The following PPIP5K2 variants were observed in gnomAD, a reference collection of about 807,000 sequenced individuals.
The protein encoded by PPIP5K2 is inositol hexakisphosphate and diphosphoinositol-pentakisphosphate kinase 2.
In PPIP5K2, 105 loss-of-function variants were observed where a neutral mutation model predicts 154.6. The observed-to-expected ratio is 0.68, with a 90% CI of 0.58 to 0.80. The LOEUF is 0.80. PPIP5K2 is among the 30% of genes least tolerant of loss of function. The pLI is 0.00. For missense variants in PPIP5K2, 992 were observed against 1,504.6 expected (o/e 0.66, Z 5.64); for synonymous variants, 480 against 490.3 (o/e 0.98, Z 0.28).
rs1299195897 is a variant in PPIP5K2 at position 103,209,983 on chromosome 5, G to A, written c.*8349G>A. 1 of 151,974 alleles carries A rather than the reference G, an allele frequency of 6.6e-6. No individual in the cohort carries two copies. The highest frequency in any genetic ancestry group is 1.9e-4 in the East Asian group (1 of 5,188). 9.4% of individuals were successfully genotyped at this position (151,974 alleles called of 1,614,324 possible). ...GTCATGACAATAAAATGAGACCTGG[G>A]AGTCCCAAATGTTATTAACTACCAC... On this transcript the variant is annotated 3_prime_UTR_variant, in exon 31 of 31. Transcript: ENST00000358359.
rs782292998 is a variant in PPIP5K2, at chr5:103,133,519, A to G, written c.181A>G (p.Lys61Glu). ...MAKKSKSKPM[K>E]EILERISLFK... is the part of the protein sequence containing the mutation. ...AAAGAAATCCAAATCCAAACCAATG[A>G]AGGAAATTCTTGAACGGATCTCCTT... The change falls in exon 3 of 31, where the codon AAG becomes GAG. Residue 61 changes from lysine (K) to glutamate (E), a missense_variant. Transcript: ENST00000358359. 6.2e-7 allele frequency: 1 copy of G among 1,612,340 alleles called. No individual in the cohort carries two copies. Among genetic ancestry groups the G allele is most frequent in the East Asian group, 2.2e-5 (1 of 44,736 alleles).
At chr5:103,187,141 T>C (rs1162685670) in intron 27 of PPIP5K2, among the ~76,000 whole-genome samples, 173 bp from the exon 28 acceptor site, 1 of 152,214 alleles carries the variant, frequency 6.6e-6, no homozygotes, top group Non-Finnish European at 1.5e-5. Context: ...TTTTCCTCTG[T>C]CATCAAGCTA....
chr5:103,148,149 TA>T, intron 7 of PPIP5K2, 117 bp downstream of exon 7: 2 of 766,142 alleles, frequency 2.6e-6, no homozygotes, highest in Non-Finnish European at 2.3e-6. Flanking sequence ...TCTTTTTGAT[TA>T]GGGATTCCTC....
intron 5 of PPIP5K2, among the ~76,000 whole-genome samples, chr5:103,142,810 TGTGTAAA>T (rs1793058509): frequency 6.6e-6 from 1 of 151,084 alleles, no homozygotes; most frequent in Non-Finnish European, 1.5e-5. Context: ...ATCATCTGAA[TGTGTAAA>T]ACTCACTGGT....
chr5:103,151,135 C>T (rs1794588975), intron 8 of PPIP5K2, 118 bp from the exon 9 acceptor site: 1 of 754,852 alleles, frequency 1.3e-6, no homozygotes, highest in Non-Finnish European at 2.0e-6. Flanking sequence ...AAGTAAACCA[C>T]TATATAGTAA....
chr5:103,152,934 T>A (rs1223326728), intron 10 of PPIP5K2, among the ~76,000 whole-genome samples, 185 bp downstream of exon 10: 1 of 151,838 alleles, frequency 6.6e-6, no homozygotes, highest in Non-Finnish European at 1.5e-5. Flanking sequence ...ACAAATAAAC[T>A]ACTGAAACAT....
At chr5:103,140,621 G>A (rs901945432) in intron 5 of PPIP5K2, among the ~76,000 whole-genome samples, 8 of 151,780 alleles carry the variant, frequency 5.3e-5, no homozygotes, top group Non-Finnish European at 7.4e-5. Context: ...AGGCCGAGGC[G>A]GGCGGATCAC....
intron 16 of PPIP5K2, 45 bp downstream of exon 16, chr5:103,158,618 T>C: frequency 6.8e-7 from 1 of 1,480,352 alleles, no homozygotes; most frequent in Non-Finnish European, 9.0e-7. Context: ...TTTAATCTAA[T>C]ATTGTATCTT....
rs12332086 is a variant in PPIP5K2 at position 103,202,052 on chromosome 5, T to C, written c.*418T>C. The C allele has an allele frequency of 7.6e-3, 1,189 of 155,668 alleles. 7 individuals are homozygous for C. The highest frequency in any genetic ancestry group is 0.032 in the Middle Eastern group (10 of 314). 9.6% of individuals were successfully genotyped at this position (155,668 alleles called of 1,614,324 possible). On this transcript the variant is annotated 3_prime_UTR_variant, in exon 31 of 31. Coordinates refer to ENST00000358359, the MANE Select transcript of PPIP5K2 (RefSeq NM_001276277.3). ...GAAATTTGACAGCCAGGGTTACATA[T>C]TGGGGACTTTTAAAGTGTCTTTCCA... is the stretch of plus-strand genomic sequence containing the variant.
intron 5 of PPIP5K2, among the ~76,000 whole-genome samples, chr5:103,143,670 A>G (rs548457347): frequency 6.6e-6 from 1 of 152,172 alleles, no homozygotes; most frequent in African/African-American, 2.4e-5. Context: ...ATAAGATCCA[A>G]CTCTATACTC....
chr5:103,166,930 G>A (rs998900076), intron 17 of PPIP5K2, among the ~76,000 whole-genome samples: 4 of 151,954 alleles, frequency 2.6e-5, no homozygotes, highest in Non-Finnish European at 5.9e-5. Flanking sequence ...GGTGGAAGAG[G>A]TGAAGGAGGT....
chr5:103,155,659 C>T (rs1414053790), intron 13 of PPIP5K2, among the ~76,000 whole-genome samples: 2 of 151,840 alleles, frequency 1.3e-5, no homozygotes, highest in Non-Finnish European at 2.9e-5. Context: ...CTCCTGACCT[C>T]AAGTCATCCA....
chr5:103,141,052 G>A (rs1169371261), intron 5 of PPIP5K2, among the ~76,000 whole-genome samples: 4 of 151,736 alleles, frequency 2.6e-5, no homozygotes, highest in Non-Finnish European at 5.9e-5. Flanking sequence ...AAATCATCTG[G>A]GCCGGGTGCA....
At chr5:103,197,555 T>C (rs910357447) in intron 30 of PPIP5K2, among the ~76,000 whole-genome samples, 2 of 150,836 alleles carry the variant, frequency 1.3e-5, no homozygotes, top group African/African-American at 4.9e-5. Context: ...GTTGGTTTTA[T>C]GTTTAAAACA....
intron 5 of PPIP5K2, among the ~76,000 whole-genome samples, chr5:103,144,815 G>T (rs1407503051): frequency 6.6e-6 from 1 of 152,030 alleles, no homozygotes; most frequent in African/African-American, 2.4e-5. Context: ...ACTACTAAAA[G>T]AAAACATTGT....
chr5:103,158,467 T>A lies in PPIP5K2; in HGVS notation c.1631T>A (p.Phe544Tyr). 1 of 1,605,890 alleles carries A rather than the reference T, an allele frequency of 6.2e-7. No homozygotes were observed. The highest frequency in any genetic ancestry group is 2.2e-5 in the East Asian group (1 of 44,848). Residue 544 changes from phenylalanine (F) to tyrosine (Y), a missense_variant, in exon 16 of 31, where the codon TTT becomes TAT. Transcript: ENST00000358359. ...TTATTTTCAGGAGATTATGCAGGATTTCCTGGTTGTGGTTTACTTAGATTA... is the reference window on the plus strand; with the variant it reads ...TTATTTTCAGGAGATTATGCAGGATATCCTGGTTGTGGTTTACTTAGATTA... ...YPGGQGDYAG[F>Y]PGCGLLRLHS...
In PPIP5K2 at chr5:103,151,354, T is replaced by A. The variant is rs1794620855; in HGVS notation, c.1008T>A (p.Asp336Glu). The change falls in exon 9 of 31, where the codon GAT becomes GAA. Residue 336 changes from aspartate to glutamate, a missense_variant. Asp to Glu is a conservative substitution (Grantham distance 45). Transcript: ENST00000358359. ...TGAAAAATTCCATGAAGTATTATGA[T>A]GACTGTGCAAAAATACTTGGGTAAG... ...SFVKNSMKYY[D>E]DCAKILGNIV... 6.2e-7 allele frequency: 1 copy of A among 1,607,102 alleles called. No individual in the cohort carries two copies. Among genetic ancestry groups the A allele is most frequent in the East Asian group, 2.2e-5 (1 of 44,666 alleles).
intron 5 of PPIP5K2, among the ~76,000 whole-genome samples, chr5:103,141,056 G>C (rs1188179824): frequency 6.6e-6 from 1 of 151,954 alleles, no homozygotes; most frequent in Non-Finnish European, 1.5e-5. Context: ...CATCTGGGCC[G>C]GGTGCAGTGG....
intron 14 of PPIP5K2, among the ~76,000 whole-genome samples, chr5:103,157,208 T>C (rs539122128): frequency 5.3e-4 from 80 of 152,196 alleles, no homozygotes; most frequent in African/African-American, 1.9e-3. Flanking sequence ...ACTTTTTTTT[T>C]CAGAACCCAA....
Sources: allele counts gnomAD v4.1 joint callset (sites outside exome capture counted in the v4.1 genomes callset), GRCh38; gene constraint gnomAD v4.1.1; transcripts MANE v1.5; gene names NCBI Gene and HGNC (gene_info 2026-07-23, HGNC 2026-07-21).